Variants in CSGALNACT1 observed in about 807,000 individuals in gnomAD.
CSGALNACT1 encodes chondroitin sulfate N-acetylgalactosaminyltransferase 1.
Under a neutral mutation model 51.0 loss-of-function variants are expected in CSGALNACT1, and 52 were observed. That is an observed-to-expected ratio of 1.02 (90% CI 0.82 to 1.29). CSGALNACT1 has a LOEUF of 1.29. CSGALNACT1 is among the 50% of genes most tolerant of loss of function. CSGALNACT1 has a pLI of 0.00. For missense variants in CSGALNACT1, 935 were observed against 679.2 expected, an observed-to-expected ratio of 1.38 and a Z score of -4.19; for synonymous variants, 341 against 254.4, an observed-to-expected ratio of 1.34 and a Z score of -3.24.
chr8:19,625,408 G>C (rs988360636), intron 1 of CSGALNACT1, among the ~76,000 whole-genome samples: 1 of 152,174 alleles, frequency 6.6e-6, no homozygotes, highest in Non-Finnish European at 1.5e-5. Context: ...CTGAAGCATA[G>C]AGCTATTATA....
intron 4 of CSGALNACT1, among the ~76,000 whole-genome samples, chr8:19,479,763 A>G (rs555212764): frequency 8.9e-6 from 1 of 112,528 alleles, no homozygotes; most frequent in South Asian, 2.7e-4. Context: ...CTTGACTTAG[A>G]AAAAAAAAAA....
chr8:19,684,233 C>A (rs1020914154), upstream of CSGALNACT1, among the ~76,000 whole-genome samples: 2 of 151,746 alleles, frequency 1.3e-5, no homozygotes, highest in Non-Finnish European at 2.9e-5. Flanking sequence ...CAGATCAATG[C>A]AAGAGAACAG....
At chr8:19,573,756 C>T (rs954541945) in intron 3 of CSGALNACT1, among the ~76,000 whole-genome samples, 7 of 152,118 alleles carry the variant, frequency 4.6e-5, no homozygotes, top group Admixed American at 4.6e-4. Flanking sequence ...TCCATCTCTC[C>T]TTCCAGTGAT....
intron 3 of CSGALNACT1, among the ~76,000 whole-genome samples, chr8:19,586,476 A>C (rs2046682168): frequency 6.6e-6 from 1 of 152,108 alleles, no homozygotes. Context: ...TCAACCTCTA[A>C]AACATATAAG....
intron 3 of CSGALNACT1, among the ~76,000 whole-genome samples, chr8:19,507,988 C>G (rs1185217196): frequency 6.6e-6 from 1 of 152,212 alleles, no homozygotes; most frequent in Non-Finnish European, 1.5e-5. Flanking sequence ...GGTATCATGC[C>G]TTTGCCATTT....
chr8:19,434,407 T>G (rs74664515), intron 6 of CSGALNACT1, among the ~76,000 whole-genome samples: 1,672 of 152,316 alleles, frequency 0.011, 31 homozygotes, highest in African/African-American at 0.038. Context: ...TTACCACATT[T>G]GCTTTTTTTC....
chr8:19,610,568 G>T (rs935174521), intron 1 of CSGALNACT1, among the ~76,000 whole-genome samples: 1 of 152,110 alleles, frequency 6.6e-6, no homozygotes. Flanking sequence ...ACAACCACAG[G>T]AACGCACCGG....
At chr8:19,509,600 C>A (rs1375316529) in intron 3 of CSGALNACT1, among the ~76,000 whole-genome samples, 2 of 112,644 alleles carry the variant, frequency 1.8e-5, no homozygotes, top group African/African-American at 6.9e-5. Context: ...CCAGCCTGGG[C>A]AACAGTGCAA....
intron 1 of CSGALNACT1, among the ~76,000 whole-genome samples, chr8:19,659,694 C>T (rs2058599674): frequency 6.6e-6 from 1 of 152,210 alleles, no homozygotes; most frequent in Admixed American, 6.5e-5. Flanking sequence ...CCATGAATCT[C>T]TGCCTACATT....
chr8:19,646,663 T>C (rs1157466205), intron 1 of CSGALNACT1, among the ~76,000 whole-genome samples: 1 of 152,178 alleles, frequency 6.6e-6, no homozygotes, highest in Non-Finnish European at 1.5e-5. Context: ...GTTGCCCCCT[T>C]ACTTGTTGGC....
At chr8:19,563,124 A>C (rs571623826) in intron 3 of CSGALNACT1, among the ~76,000 whole-genome samples, 95 of 152,328 alleles carry the variant, frequency 6.2e-4, no homozygotes, top group African/African-American at 2.2e-3. Context: ...CATGTCCTTT[A>C]CAGGGACATG....
intron 3 of CSGALNACT1, among the ~76,000 whole-genome samples, chr8:19,526,541 C>T (rs769808991): frequency 4.3e-4 from 66 of 152,082 alleles, no homozygotes; most frequent in Non-Finnish European, 8.1e-4. Context: ...CAAGATTGTG[C>T]CACTGCACTC....
chr8:19,443,285 AATGT>A (rs1202342168), intron 5 of CSGALNACT1, among the ~76,000 whole-genome samples: 2 of 152,198 alleles, frequency 1.3e-5, no homozygotes, highest in African/African-American at 4.8e-5. Context: ...TGTGCATGTA[AATGT>A]ATGTATGTGT....
At chr8:19,577,967 T>G (rs770654168) in intron 3 of CSGALNACT1, among the ~76,000 whole-genome samples, 4 of 152,204 alleles carry the variant, frequency 2.6e-5, no homozygotes, top group African/African-American at 4.8e-5. Context: ...ATAGTTGGCA[T>G]GCGGAATAAC....
At chr8:19,647,395 C>T (rs955137897) in intron 1 of CSGALNACT1, among the ~76,000 whole-genome samples, 2 of 152,042 alleles carry the variant, frequency 1.3e-5, no homozygotes, top group African/African-American at 4.8e-5. Flanking sequence ...CCACCCTGGG[C>T]GACAGAGCAA....
At chr8:19,640,556 A>C (rs1294054418) in intron 1 of CSGALNACT1, among the ~76,000 whole-genome samples, 1 of 152,210 alleles carries the variant, frequency 6.6e-6, no homozygotes, top group African/African-American at 2.4e-5. Flanking sequence ...CTCAAACTCA[A>C]AATCAGTTCT....
intron 1 of CSGALNACT1, among the ~76,000 whole-genome samples, chr8:19,608,050 G>C (rs557281443): frequency 6.6e-6 from 1 of 152,350 alleles, no homozygotes; most frequent in African/African-American, 2.4e-5. Flanking sequence ...AACTGATGAA[G>C]AGTAGTTAAA....
intron 3 of CSGALNACT1, among the ~76,000 whole-genome samples, chr8:19,569,778 T>G (rs2042620885): frequency 6.6e-6 from 1 of 152,218 alleles, no homozygotes. Flanking sequence ...TTAGAAATTT[T>G]ATCCCTAATA....
At chr8:19,628,871 AAAAG>A (rs1341022517) in intron 1 of CSGALNACT1, among the ~76,000 whole-genome samples, 1 of 152,160 alleles carries the variant, frequency 6.6e-6, no homozygotes, top group Non-Finnish European at 1.5e-5. Flanking sequence ...GAGGAAAAGA[AAAAG>A]AACACAAAAA....
Sources: allele counts gnomAD v4.1 joint callset (sites outside exome capture counted in the v4.1 genomes callset), GRCh38; gene constraint gnomAD v4.1.1; transcripts MANE v1.5; gene names NCBI Gene and HGNC (gene_info 2026-07-23, HGNC 2026-07-21).